GFRA1: variants seen among roughly 807,000 people sequenced by gnomAD.
GFRA1 encodes the protein GDNF family receptor alpha 1.
GFRA1 carries 16 observed loss-of-function variants against 51.6 expected under a neutral mutation model. That is an observed-to-expected ratio of 0.31 (90% CI 0.21 to 0.47). GFRA1 has a LOEUF of 0.47. GFRA1 is among the 20% of genes least tolerant of loss of function. The pLI is 1.00. For missense variants in GFRA1, 530 were observed against 594.3 expected (o/e 0.89, Z 1.13); for synonymous variants, 270 against 241.3 (o/e 1.12, Z -1.10).
chr10:116,160,795 C>G (rs1226342617), intron 5 of GFRA1, among the ~76,000 whole-genome samples: 3 of 152,346 alleles, frequency 2.0e-5, no homozygotes, highest in Admixed American at 6.5e-5. Context: ...ATGAATACAT[C>G]TGAATATCCA....
intron 9 of GFRA1, among the ~76,000 whole-genome samples, chr10:116,078,840 G>A (rs932920614): frequency 6.6e-6 from 1 of 152,078 alleles, no homozygotes; most frequent in African/African-American, 2.4e-5. Context: ...AAAGGCCCAG[G>A]CAATGGTATC....
rs1282556562 is a variant in GFRA1 at position 116,272,762 on chromosome 10, G to C, written c.-247+401C>G. Reference sequence around the variant, plus strand: ...TCGCCAATCCCTAGCCCCAGTCGCCGCCCTCCTTCTCCCCGGGACTCGTCT... The same window carrying C: ...TCGCCAATCCCTAGCCCCAGTCGCCCCCCTCCTTCTCCCCGGGACTCGTCT... On this transcript the variant is annotated intron_variant, in intron 1 of 10. Transcript: ENST00000355422. The surrounding 1 kb of genome is among the most constrained non-coding windows in gnomAD (Gnocchi z 4.4). 2.0e-5 allele frequency: 3 copies of C among 152,118 alleles called. No homozygotes were observed. The highest frequency in any genetic ancestry group is 4.8e-5 in the African/African-American group (2 of 41,402). The allele number at this position is 152,118 out of a possible 1,614,324, so 9.4% of individuals were successfully genotyped here.
In GFRA1 at chr10:116,096,741, G is replaced by A. The variant is rs750298239; in HGVS notation, c.794C>T (p.Thr265Ile). ...AGACCTTGACTCTGGCTGGCAGTTG[G>A]TAAAAAAATCCGCAAGGCGAGATCT... ...ICRSRLADFF[T>I]NCQPESRSVS... The change falls in exon 7 of 11, where the codon ACC (threonine) becomes ATC (isoleucine). Residue 265 changes from threonine (T) to isoleucine (I), a missense_variant. By Grantham distance (89) the Thr-to-Ile change is moderately conservative (BLOSUM62 -1). Transcript: ENST00000355422. 1 of 1,599,088 alleles carries A rather than the reference G, an allele frequency of 6.3e-7. No homozygotes were observed. The highest frequency in any genetic ancestry group is 8.5e-7 in the Non-Finnish European group (1 of 1,172,136).
chr10:116,179,650 G>A (rs1475897104), intron 5 of GFRA1, among the ~76,000 whole-genome samples: 1 of 152,104 alleles, frequency 6.6e-6, no homozygotes, highest in Non-Finnish European at 1.5e-5. Flanking sequence ...GAGTGCTTTG[G>A]GACACAGAGA....
chr10:116,196,594 A>G (rs1172382010), intron 5 of GFRA1, among the ~76,000 whole-genome samples: 1 of 14,742 alleles, frequency 6.8e-5, no homozygotes, highest in African/African-American at 1.1e-4. Context: ...AGTACTATAT[A>G]TAATATATAT....
At chr10:116,069,925 C>G (rs963100218) in intron 9 of GFRA1, among the ~76,000 whole-genome samples, 4 of 152,128 alleles carry the variant, frequency 2.6e-5, no homozygotes, top group African/African-American at 9.7e-5. Flanking sequence ...TGCACTCGCC[C>G]GGAGCCTGGC....
intron 5 of GFRA1, among the ~76,000 whole-genome samples, chr10:116,138,390 T>C (rs532118893): frequency 2.6e-5 from 4 of 152,240 alleles, no homozygotes; most frequent in Admixed American, 2.0e-4. Flanking sequence ...TATGCCCACC[T>C]GCACTCTTCC....
chr10:116,089,907 G>C lies in GFRA1; in HGVS notation c.1031C>G (p.Ala344Gly), dbSNP rs1313406391. The C allele has an allele frequency of 3.1e-6, 5 of 1,613,328 alleles. No homozygotes were observed. Among genetic ancestry groups the C allele is most frequent in the African/African-American group, 1.3e-5 (1 of 75,028 alleles). ...GGTCACATCGGAGCCATTGCCAAAG[G>C]CTTGAATTGCATTTTCTGCAGTAAA... is the stretch of plus-strand genomic sequence containing the variant. ...DNTCLKNAIQ[A>G]FGNGSDVTVW... Residue 344 changes from alanine to glycine, a missense_variant, in exon 9 of 11, where the codon GCC (alanine) becomes GGC (glycine). By Grantham distance (60) the Ala-to-Gly change is moderately conservative. Transcript: ENST00000355422.
intron 4 of GFRA1, among the ~76,000 whole-genome samples, chr10:116,265,792 C>T (rs899811171): frequency 1.3e-5 from 2 of 152,094 alleles, no homozygotes; most frequent in Admixed American, 6.6e-5. Flanking sequence ...CCTCTTGCAC[C>T]GGCGCACTTT....
At chr10:116,233,536 G>A (rs985348516) in intron 4 of GFRA1, among the ~76,000 whole-genome samples, 2 of 152,064 alleles carry the variant, frequency 1.3e-5, no homozygotes, top group East Asian at 3.9e-4. Flanking sequence ...TGGATGCAAG[G>A]CCCCTTGTTT....
intron 5 of GFRA1, among the ~76,000 whole-genome samples, chr10:116,143,565 A>G (rs1356829488): frequency 2.0e-5 from 3 of 152,156 alleles, no homozygotes; most frequent in African/African-American, 7.2e-5. Flanking sequence ...CAAAATATCC[A>G]TACGTTGCAA....
In GFRA1 at chr10:116,132,623, C is replaced by T. The variant is rs142639317; in HGVS notation, c.434-7066G>A. On this transcript the variant is annotated intron_variant, in intron 5 of 10. Coordinates refer to ENST00000355422, the MANE Select transcript of GFRA1 (RefSeq NM_005264.8). ...TCACAAATCCACCTCCAGCTCTCTCCGGGGCCCTGATACTGCGGATCCTAC... is the reference window on the plus strand; with the variant it reads ...TCACAAATCCACCTCCAGCTCTCTCTGGGGCCCTGATACTGCGGATCCTAC... Among the ~76,000 whole-genome samples, 1,437 of 151,984 alleles carry T rather than the reference C, an allele frequency of 9.5e-3. 55 individuals are homozygous for T. The highest frequency in any genetic ancestry group is 0.075 in the Admixed American group (1,151 of 15,282).
chr10:116,266,197 T>C (rs1293220619), intron 4 of GFRA1, among the ~76,000 whole-genome samples: 3 of 152,186 alleles, frequency 2.0e-5, no homozygotes, highest in African/African-American at 7.2e-5. Context: ...TCTTGTTCCT[T>C]GCGAGGATTC....
chr10:116,166,171 A>G (rs7083386), intron 5 of GFRA1, among the ~76,000 whole-genome samples: 150,721 of 152,342 alleles, frequency 0.99, 74,575 homozygotes, highest in East Asian at 1. Flanking sequence ...GTATATGTGT[A>G]CAACATTTTC....
chr10:116,156,262 T>C (rs1340732200), intron 5 of GFRA1, among the ~76,000 whole-genome samples: 2 of 152,190 alleles, frequency 1.3e-5, no homozygotes, highest in Admixed American at 6.5e-5. Flanking sequence ...ATTAATGTAA[T>C]AGGATCATTT....
chr10:116,090,355 A>G (rs1391143905), intron 8 of GFRA1, among the ~76,000 whole-genome samples: 1 of 151,990 alleles, frequency 6.6e-6, no homozygotes, highest in East Asian at 1.9e-4. Context: ...GCTTTTTAAA[A>G]AAAATCCTAA....
intron 5 of GFRA1, among the ~76,000 whole-genome samples, chr10:116,152,360 T>TATCCATC (rs1295057083): frequency 4.6e-5 from 7 of 152,160 alleles, no homozygotes; most frequent in Admixed American, 2.0e-4. Context: ...ATGCACACTG[T>TATCCATC]ATCCATCTGT....
chr10:116,130,972 A>T (rs1463972779), intron 5 of GFRA1, among the ~76,000 whole-genome samples: 1 of 152,226 alleles, frequency 6.6e-6, no homozygotes, highest in Non-Finnish European at 1.5e-5. Flanking sequence ...CACTGCTAAG[A>T]AAATGAATAG....
chr10:116,089,157 T>C (rs1956226141), intron 9 of GFRA1, among the ~76,000 whole-genome samples: 1 of 152,200 alleles, frequency 6.6e-6, no homozygotes, highest in Non-Finnish European at 1.5e-5. Flanking sequence ...CTCACTGGAC[T>C]GTATCCACAT....
Sources: gnomAD v4.1 joint callset for allele counts (sites outside exome capture counted in the v4.1 genomes callset) on GRCh38, gnomAD v4.1.1 for gene constraint, Gnocchi (gnomAD v3.1) non-coding constraint, MANE v1.5 for transcripts, NCBI Gene and HGNC (gene_info 2026-07-23, HGNC 2026-07-21) for gene names.